TSC22D3: variants seen among roughly 807,000 people sequenced by gnomAD.
The protein encoded by TSC22D3 is TSC22 domain family member 3.
TSC22D3 carries 4 observed loss-of-function variants against 11.1 expected under a neutral mutation model. That is an observed-to-expected ratio of 0.36 (90% confidence interval 0.18 to 0.83). The LOEUF is 0.83. TSC22D3 is among the 40% of genes least tolerant of loss of function. TSC22D3 has a pLI of 0.48. For synonymous variants in TSC22D3, 77 were observed against 70.3 expected (o/e 1.10, Z -0.48); for missense variants, 118 against 159.4 (o/e 0.74, Z 1.40).
intron 1 of TSC22D3, among the ~76,000 whole-genome samples, chrX:107,735,639 A>G (rs887219581): frequency 3.6e-5 from 4 of 110,129 alleles, no homozygotes; most frequent in Non-Finnish European, 7.6e-5. Flanking sequence ...CTCACTGAAC[A>G]TGCGTTAATG....
At chrX:107,764,791 C>T (rs192639668) in intron 1 of TSC22D3, among the ~76,000 whole-genome samples, 2 of 111,779 alleles carry the variant, frequency 1.8e-5, no homozygotes, top group East Asian at 2.8e-4. Flanking sequence ...AGCCCCCAGG[C>T]TCCTCTGGTG....
At chrX:107,716,971 G>A (rs1927080176) in intron 1 of TSC22D3, 1 of 1,051,997 alleles carries the variant, frequency 9.5e-7, no homozygotes, top group Non-Finnish European at 1.2e-6. Context: ...CCAAAGCCAA[G>A]CAGGCGCTCC....
chrX:107,757,598 G>A (rs1929235202), intron 1 of TSC22D3, among the ~76,000 whole-genome samples: 1 of 111,481 alleles, frequency 9.0e-6, no homozygotes, highest in Admixed American at 9.5e-5. Context: ...GAGGGCTGTG[G>A]CACAATCTAC....
chrX:107,730,952 C>T (rs1332795819), intron 1 of TSC22D3, among the ~76,000 whole-genome samples: 1 of 112,242 alleles, frequency 8.9e-6, no homozygotes, highest in East Asian at 2.8e-4. Context: ...TTAAGAGAGA[C>T]TCCCAGTCTC....
intron 1 of TSC22D3, among the ~76,000 whole-genome samples, chrX:107,754,118 A>G (rs1206514381): frequency 9.1e-6 from 1 of 110,058 alleles, no homozygotes; most frequent in South Asian, 3.9e-4. Flanking sequence ...CGGGGATTTC[A>G]CTATGTTGGC....
At chrX:107,772,550 T>C (rs1356560844) in intron 1 of TSC22D3, among the ~76,000 whole-genome samples, 1 of 111,403 alleles carries the variant, frequency 9.0e-6, no homozygotes, top group African/African-American at 3.3e-5. Flanking sequence ...AAGGTCCCAA[T>C]TGTCAAGGAA....
At chrX:107,770,868 C>G (rs1929878765) in intron 1 of TSC22D3, among the ~76,000 whole-genome samples, 1 of 112,413 alleles carries the variant, frequency 8.9e-6, no homozygotes, top group Non-Finnish European at 1.9e-5. Flanking sequence ...AAATTGGAAA[C>G]TTCTGCTGTT....
At chrX:107,714,807 C>T (rs1926924395) in intron 2 of TSC22D3, 58 bp from the exon 3 acceptor site, 1 of 1,089,622 alleles carries the variant, frequency 9.2e-7, no homozygotes, top group African/African-American at 1.8e-5. Context: ...CCCTCTGCAG[C>T]ACCTTTGCTC....
rs1252005382 is a variant in TSC22D3 at position 107,759,329 on chromosome X, C to T, written c.320+15771G>A. Reference sequence around the variant, plus strand: ...ATTCTGACATTCTGGGGTTCAGTGACTTATTCATTCAAGTTTCCATGCATC... The same window carrying T: ...ATTCTGACATTCTGGGGTTCAGTGATTTATTCATTCAAGTTTCCATGCATC... On this transcript the variant is annotated intron_variant, in intron 1 of 2. Coordinates refer to ENST00000372383, the MANE Select transcript of TSC22D3 (RefSeq NM_198057.3). 3.6e-5 allele frequency among the ~76,000 whole-genome samples: 4 copies of T among 111,440 alleles called. No homozygotes were observed. In the South Asian group the frequency reaches 1.1e-3, roughly 32 times the overall value.
intron 1 of TSC22D3, among the ~76,000 whole-genome samples, chrX:107,757,889 C>A (rs964631610): frequency 1.8e-5 from 2 of 110,718 alleles, no homozygotes; most frequent in Non-Finnish European, 3.8e-5. Context: ...AAAATACACA[C>A]AAAAAAATTA....
intron 1 of TSC22D3, among the ~76,000 whole-genome samples, chrX:107,757,412 T>A (rs1468631321): frequency 9.0e-6 from 1 of 111,666 alleles, no homozygotes; most frequent in Non-Finnish European, 1.9e-5. Flanking sequence ...AGCCCACAGG[T>A]CTCCCCTGAA....
At chrX:107,728,270 A>G (rs1488482844) in intron 1 of TSC22D3, among the ~76,000 whole-genome samples, 2 of 112,587 alleles carry the variant, frequency 1.8e-5, no homozygotes, top group East Asian at 2.8e-4. Flanking sequence ...TAATTTGGGG[A>G]CAATCATTGT....
intron 1 of TSC22D3, among the ~76,000 whole-genome samples, chrX:107,738,934 A>G (rs749497747): frequency 1.9e-3 from 210 of 111,732 alleles, no homozygotes; most frequent in Non-Finnish European, 2.5e-3. Flanking sequence ...CCAGTTGGCC[A>G]GCTGACATTT....
chrX:107,742,912 C>A (rs951595731), intron 1 of TSC22D3, among the ~76,000 whole-genome samples: 46 of 112,291 alleles, frequency 4.1e-4, no homozygotes, highest in African/African-American at 1.4e-3. Context: ...GAGAGCAGCG[C>A]CCGTTCCCAC....
At chrX:107,748,500 G>A (rs1928775584) in intron 1 of TSC22D3, among the ~76,000 whole-genome samples, 1 of 111,739 alleles carries the variant, frequency 8.9e-6, no homozygotes, top group South Asian at 3.7e-4. Context: ...GTTCCATACT[G>A]CTTCTGAAAT....
chrX:107,714,258 C>A lies in TSC22D3; in HGVS notation c.*261G>T, dbSNP rs1373139885. 6.3e-6 allele frequency: 2 copies of A among 319,635 alleles called. No homozygotes were observed. Among genetic ancestry groups the A allele is most frequent in the Admixed American group, 5.5e-5 (1 of 18,181 alleles). The allele number at this position is 319,635 out of a possible 1,213,427, so 26.3% of individuals were successfully genotyped here. ...GCTAAGTTGCCCAGGCCCTGGGAGC[C>A]CCCAGGGCGCAGTAGCATTAGAGGC... On this transcript the variant is annotated 3_prime_UTR_variant, in exon 3 of 3. Transcript: ENST00000372383.
chrX:107,764,552 A>T (rs1196109611), intron 1 of TSC22D3, among the ~76,000 whole-genome samples: 1 of 111,041 alleles, frequency 9.0e-6, no homozygotes, highest in East Asian at 2.8e-4. Flanking sequence ...TCTCAACCTT[A>T]CCCTGAGGCT....
At chrX:107,716,343 T>C in intron 1 of TSC22D3, 2 of 908,900 alleles carry the variant, frequency 2.2e-6, no homozygotes, top group Non-Finnish European at 1.4e-6. Context: ...AGGAATTCCT[T>C]CTCGGCTGGT....
chrX:107,748,945 A>G (rs1928800343), intron 1 of TSC22D3, among the ~76,000 whole-genome samples: 1 of 111,804 alleles, frequency 8.9e-6, no homozygotes, highest in Non-Finnish European at 1.9e-5. Flanking sequence ...TTGCCAGCCT[A>G]TAGCCAGCTT....
Sources: gnomAD v4.1 joint callset for allele counts (sites outside exome capture counted in the v4.1 genomes callset) on GRCh38, gnomAD v4.1.1 for gene constraint, MANE v1.5 for transcripts, NCBI Gene and HGNC (gene_info 2026-07-23, HGNC 2026-07-21) for gene names.